The following ZNF264 variants were observed in gnomAD, a reference collection of about 807,000 sequenced individuals.
ZNF264 encodes the protein zinc finger protein 264.
In ZNF264, 11 loss-of-function variants were observed where a neutral mutation model predicts 11.2. The observed-to-expected ratio is 0.98, with a 90% CI of 0.62 to 1.63. ZNF264 has a LOEUF of 1.63. Among genes scored for constraint, ZNF264 ranks in the 40% most tolerant of loss-of-function variants. The pLI, the probability that ZNF264 is intolerant of heterozygous loss-of-function variation, is 0.00. For missense variants in ZNF264, 752 were observed against 768.1 expected, an observed-to-expected ratio of 0.98 and a Z score of 0.25; for synonymous variants, 309 against 279.8, an observed-to-expected ratio of 1.10 and a Z score of -1.04.
At chr19:57,202,894 G>A (rs1007435304) in intron 2 of ZNF264, among the ~76,000 whole-genome samples, 1 of 149,508 alleles carries the variant, frequency 6.7e-6, no homozygotes, top group African/African-American at 2.6e-5. Context: ...GGAGTGCAGG[G>A]TGGGGCAGTC....
rs1277026167 is a variant in ZNF264 at position 57,219,653 on chromosome 19, C to G, written c.*6672C>G. The G allele has an allele frequency of 1.3e-5, 2 of 152,248 alleles. No homozygotes were observed. The highest frequency in any genetic ancestry group is 1.9e-4 in the East Asian group (1 of 5,198). 9.4% of individuals were successfully genotyped at this position (152,248 alleles called of 1,614,324 possible). The stretch of plus-strand genomic sequence containing the variant: ...TTCTCCTCCAGAGGGTCTGTGTCTT[C>G]CTTCCAACTCTTAAACATTTTTGTT... On this transcript the variant is annotated 3_prime_UTR_variant, in exon 4 of 4. Transcript: ENST00000263095.
intron 3 of ZNF264, among the ~76,000 whole-genome samples, chr19:57,209,159 C>CT (rs2122760191): frequency 1.3e-5 from 2 of 152,156 alleles, no homozygotes; most frequent in South Asian, 4.1e-4. Flanking sequence ...TCCAAAAGGT[C>CT]TTAATTTACT....
intron 2 of ZNF264, among the ~76,000 whole-genome samples, chr19:57,204,817 CCCGGGACTTTCTGGGT>C (rs1400002212): frequency 2.6e-5 from 4 of 152,154 alleles, no homozygotes; most frequent in African/African-American, 9.7e-5. Context: ...CATACCTGGA[CCCGGGACTTTCTGGGT>C]AGCGTTGTGG....
In ZNF264 at chr19:57,222,653, C is replaced by T. The variant is rs1455724567; in HGVS notation, c.*9672C>T. On this transcript the variant is annotated 3_prime_UTR_variant, in exon 4 of 4. Transcript: ENST00000263095. ...GCGACTTGCAGGTACTCCCTTTGTTCACCTTTGTAAAGATGTTATTGCCAG... is the reference window on the plus strand; with the variant it reads ...GCGACTTGCAGGTACTCCCTTTGTTTACCTTTGTAAAGATGTTATTGCCAG... 6.6e-6 allele frequency: 1 copy of T among 151,940 alleles called. No individual in the cohort carries two copies. 9.4% of individuals were successfully genotyped at this position (151,940 alleles called of 1,614,324 possible).
intron 2 of ZNF264, among the ~76,000 whole-genome samples, chr19:57,202,723 T>C (rs1326338416): frequency 6.6e-6 from 1 of 151,960 alleles, no homozygotes; most frequent in Non-Finnish European, 1.5e-5. Context: ...TCTCTTCATC[T>C]GTATCCTTTG....
rs536548109 is a variant in ZNF264, at chr19:57,197,326, T to C, written c.160+3325T>C. Among the ~76,000 whole-genome samples, 78 of 151,986 alleles carry C rather than the reference T, an allele frequency of 5.1e-4. 4 individuals carry two copies. The highest frequency in any genetic ancestry group is 1.8e-3 in the African/African-American group (73 of 41,266). ...GGGTCAGAAAGCACCCAGTTCATGGTAGGCAGTTCAGGTTGCATGGTGATT... is the reference window on the plus strand; with the variant it reads ...GGGTCAGAAAGCACCCAGTTCATGGCAGGCAGTTCAGGTTGCATGGTGATT... On this transcript the variant is annotated intron_variant, in intron 2 of 3. Coordinates refer to ENST00000263095, the MANE Select transcript of ZNF264 (RefSeq NM_003417.5).
At chr19:57,209,337 T>C (rs2087316953) in intron 3 of ZNF264, among the ~76,000 whole-genome samples, 1 of 152,206 alleles carries the variant, frequency 6.6e-6, no homozygotes, top group East Asian at 1.9e-4. Flanking sequence ...GTGATAGCAA[T>C]GCAGTTATTT....
At chr19:57,197,452 G>T (rs936870979) in intron 2 of ZNF264, among the ~76,000 whole-genome samples, 3 of 151,614 alleles carry the variant, frequency 2.0e-5, no homozygotes, top group African/African-American at 7.3e-5. Flanking sequence ...AGAGGCCTTC[G>T]CTGTGATTCA....
chr19:57,203,586 T>G (rs1329428321), intron 2 of ZNF264, among the ~76,000 whole-genome samples: 1 of 152,232 alleles, frequency 6.6e-6, no homozygotes, highest in East Asian at 1.9e-4. Context: ...AGAAGTCCTC[T>G]TTTTATGAAA....
chr19:57,218,310 T>C lies in ZNF264; in HGVS notation c.*5329T>C, dbSNP rs2087394529. 2 of 152,208 alleles carry C rather than the reference T, an allele frequency of 1.3e-5. No individual in the cohort carries two copies. Among genetic ancestry groups the C allele is most frequent in the Admixed American group, 1.3e-4 (2 of 15,278 alleles). The allele number at this position is 152,208 out of a possible 1,614,324, so 9.4% of individuals were successfully genotyped here. On this transcript the variant is annotated 3_prime_UTR_variant, in exon 4 of 4. Coordinates refer to ENST00000263095, the MANE Select transcript of ZNF264 (RefSeq NM_003417.5). ...TCTCTCTGTTCTGTACATTATTGTT[T>C]AATATAAGAAACCTACTAGCATTCA...
Position 57,212,989 on chromosome 19 carries a change from T to G in ZNF264, c.*8T>G. 6.3e-7 allele frequency: 1 copy of G among 1,597,858 alleles called. No homozygotes were observed. ...CAAGTGTCTTCACTGTGAGAAAACC[T>G]TCTGTTGCTGAATATTACTTGTCAT... On this transcript the variant is annotated 3_prime_UTR_variant, in exon 4 of 4. Coordinates refer to ENST00000263095, the MANE Select transcript of ZNF264 (RefSeq NM_003417.5).
chr19:57,193,497 C>T (rs2087189943), intron 1 of ZNF264: 2 of 985,294 alleles, frequency 2.0e-6, no homozygotes, highest in East Asian at 1.1e-4. Context: ...GGATGTGAAG[C>T]CTTCAACATG....
At chr19:57,200,492 C>T (rs920973559) in intron 2 of ZNF264, among the ~76,000 whole-genome samples, 2 of 151,034 alleles carry the variant, frequency 1.3e-5, no homozygotes, top group South Asian at 4.2e-4. Flanking sequence ...TTTACTCCCC[C>T]ACCCCACCCC....
chr19:57,209,594 A>G (rs761303522), intron 3 of ZNF264, among the ~76,000 whole-genome samples: 5 of 151,934 alleles, frequency 3.3e-5, no homozygotes, highest in Admixed American at 1.3e-4. Flanking sequence ...TGTTTGTTTT[A>G]AGAGAAAAGG....
chr19:57,192,192 A>G (rs748338228), intron 1 of ZNF264: 79 of 409,934 alleles, frequency 1.9e-4, no homozygotes, highest in Non-Finnish European at 2.3e-4. Flanking sequence ...TTGGCCTGCA[A>G]GCATTCTCTG....
At chr19:57,192,511 G>A (rs774144784) in intron 1 of ZNF264, 92 of 985,300 alleles carry the variant, frequency 9.3e-5, no homozygotes, top group Non-Finnish European at 1.1e-4. Flanking sequence ...TGGCCCCAAA[G>A]TATCCTGGCG....
intron 1 of ZNF264, among the ~76,000 whole-genome samples, chr19:57,193,232 C>T (rs2087188085): frequency 6.6e-6 from 1 of 152,124 alleles, no homozygotes. Flanking sequence ...GATAGCGCTT[C>T]CTTAGCATGA....
intron 3 of ZNF264, among the ~76,000 whole-genome samples, chr19:57,209,486 C>T (rs974662615): frequency 6.6e-6 from 1 of 152,062 alleles, no homozygotes; most frequent in African/African-American, 2.4e-5. Flanking sequence ...ATTGTCAGTT[C>T]GTATTATTAA....
At chr19:57,192,430 A>G (rs2087180764) in intron 1 of ZNF264, 1 of 985,292 alleles carries the variant, frequency 1.0e-6, no homozygotes, top group South Asian at 4.7e-5. Context: ...ACTACTGCAG[A>G]CATTGTGGCC....
Sources: allele counts gnomAD v4.1 joint callset (sites outside exome capture counted in the v4.1 genomes callset), GRCh38; gene constraint gnomAD v4.1.1; transcripts MANE v1.5; gene names NCBI Gene and HGNC (gene_info 2026-07-23, HGNC 2026-07-21).